Variants in EXOC6B observed in about 807,000 individuals in gnomAD.
EXOC6B encodes exocyst complex component 6B.
EXOC6B carries 54 observed loss-of-function variants against 113.5 expected under a neutral mutation model. The ratio of observed to expected loss-of-function variants is 0.48; its 90% CI spans 0.38 to 0.60. EXOC6B has a LOEUF of 0.60. Among genes scored for constraint, EXOC6B ranks in the 20% least tolerant of loss-of-function variants. The pLI, the probability that EXOC6B is intolerant of heterozygous loss-of-function variation, is 0.00. For synonymous variants in EXOC6B, 357 were observed against 339.0 expected, an observed-to-expected ratio of 1.05 and a Z score of -0.58; for missense variants, 797 against 977.5, an observed-to-expected ratio of 0.82 and a Z score of 2.46.
chr2:72,493,251 T>C (rs1344214030), intron 15 of EXOC6B, among the ~76,000 whole-genome samples: 3 of 151,910 alleles, frequency 2.0e-5, no homozygotes. Flanking sequence ...GACTACTTAG[T>C]TTCCTGCTGA....
intron 21 of EXOC6B, among the ~76,000 whole-genome samples, chr2:72,183,255 G>A (rs973871913): frequency 6.6e-6 from 1 of 152,130 alleles, no homozygotes; most frequent in Non-Finnish European, 1.5e-5. Context: ...AAGTAGCTGG[G>A]GCTTAACTAG....
chr2:72,176,778 C>A lies in EXOC6B; in HGVS notation c.*2557G>T, dbSNP rs1396274472. The A allele has an allele frequency of 6.6e-6, 1 of 152,186 alleles. No individual in the cohort carries two copies. Among genetic ancestry groups the A allele is most frequent in the Non-Finnish European group, 1.5e-5 (1 of 68,070 alleles). The allele number at this position is 152,186 out of a possible 1,614,324, so 9.4% of individuals were successfully genotyped here. A position where few individuals can be genotyped will look rare whatever the true frequency, so the allele number is the denominator to read the frequency against. ...CTCAAGAACTTGGCCAAGGGTTCATCCTGACCAGAAGCCATACAGGCTTCT... is the reference window on the plus strand; with the variant it reads ...CTCAAGAACTTGGCCAAGGGTTCATACTGACCAGAAGCCATACAGGCTTCT... On this transcript the variant is annotated 3_prime_UTR_variant, in exon 22 of 22. Coordinates refer to ENST00000272427, the MANE Select transcript of EXOC6B (RefSeq NM_015189.3).
intron 6 of EXOC6B, among the ~76,000 whole-genome samples, chr2:72,649,880 G>A (rs141644080): frequency 1.4e-3 from 214 of 152,086 alleles, no homozygotes; most frequent in African/African-American, 4.6e-3. Context: ...AAAAAAAAAT[G>A]AACCTCAATC....
chr2:72,484,417 T>A (rs1363970018), intron 16 of EXOC6B, among the ~76,000 whole-genome samples: 2 of 143,032 alleles, frequency 1.4e-5, no homozygotes, highest in Non-Finnish European at 3.1e-5. Flanking sequence ...AAAAAAAAAA[T>A]TCAGCTGGGC....
chr2:72,757,293 T>C (rs1573747130), intron 1 of EXOC6B, among the ~76,000 whole-genome samples: 1 of 152,210 alleles, frequency 6.6e-6, no homozygotes, highest in East Asian at 1.9e-4. Flanking sequence ...GAGTCACTTA[T>C]GTCAAAACTT....
Position 72,483,495 on chromosome 2 carries a change from G to A in EXOC6B, c.1666-2745C>T, listed in dbSNP as rs185403377. ...AAAAAAAGGGAGGTGGCTTCACTGG[G>A]TACAGTAGTAATTTCCCATGACTTT... On this transcript the variant is annotated intron_variant, in intron 16 of 21. Coordinates refer to ENST00000272427, the MANE Select transcript of EXOC6B (RefSeq NM_015189.3). 1.1e-4 allele frequency among the ~76,000 whole-genome samples: 17 copies of A among 152,258 alleles called. No homozygotes were observed. The East Asian group carries it at 2.9e-3, about 26-fold the overall frequency.
At chr2:72,416,687 T>A (rs1694548174) in intron 18 of EXOC6B, among the ~76,000 whole-genome samples, 1 of 152,160 alleles carries the variant, frequency 6.6e-6, no homozygotes, top group Non-Finnish European at 1.5e-5. Flanking sequence ...CATAGGAGGT[T>A]ATTCCTGTTC....
At chr2:72,206,594 A>G (rs895569428) in intron 20 of EXOC6B, among the ~76,000 whole-genome samples, 7 of 152,200 alleles carry the variant, frequency 4.6e-5, no homozygotes, top group Non-Finnish European at 1.0e-4. Flanking sequence ...TATACAGAGA[A>G]ACCCAAGTGT....
chr2:72,704,936 C>T (rs1365945855), intron 6 of EXOC6B, among the ~76,000 whole-genome samples: 3 of 151,480 alleles, frequency 2.0e-5, no homozygotes, highest in African/African-American at 7.3e-5. Flanking sequence ...TGAAACTATT[C>T]CAATCAATAG....
rs137966237 is a variant in EXOC6B at position 72,578,485 on chromosome 2, C to G, written c.670-2817G>C. On this transcript the variant is annotated intron_variant, in intron 6 of 21. Coordinates refer to ENST00000272427, the MANE Select transcript of EXOC6B (RefSeq NM_015189.3). ...GCCATTTCTTTACCTGATTACCTTT[C>G]CTTGCCTCAATCTAACCCTTCCTAC... is the stretch of plus-strand genomic sequence containing the variant. Among the ~76,000 whole-genome samples, 216 of 152,180 alleles carry G rather than the reference C, an allele frequency of 1.4e-3. 1 individual carries two copies. The highest frequency in any genetic ancestry group is 5.1e-3 in the African/African-American group (212 of 41,526).
intron 20 of EXOC6B, among the ~76,000 whole-genome samples, chr2:72,270,770 AAAT>A (rs1424243235): frequency 1.4e-4 from 22 of 151,996 alleles, no homozygotes; most frequent in African/African-American, 4.1e-4. Flanking sequence ...TTTAATAATT[AAAT>A]AATAATTTAT....
At chr2:72,272,011 C>T (rs1262751962) in intron 20 of EXOC6B, among the ~76,000 whole-genome samples, 3 of 152,066 alleles carry the variant, frequency 2.0e-5, no homozygotes, top group Admixed American at 6.6e-5. Flanking sequence ...ATGGTCTGTA[C>T]CTCAATAGCA....
intron 18 of EXOC6B, among the ~76,000 whole-genome samples, chr2:72,444,483 T>C (rs1696441355): frequency 6.6e-6 from 1 of 152,184 alleles, no homozygotes; most frequent in South Asian, 2.1e-4. Flanking sequence ...GTGTGGGGAC[T>C]CCCAACCCAC....
chr2:72,432,731 A>C (rs1695615030), intron 18 of EXOC6B, among the ~76,000 whole-genome samples: 1 of 152,164 alleles, frequency 6.6e-6, no homozygotes, highest in Non-Finnish European at 1.5e-5. Context: ...TCTTTTGAGA[A>C]GTGTCTGTTC....
chr2:72,799,253 AAAAAAAAAC>A (rs1454385197), intron 1 of EXOC6B, among the ~76,000 whole-genome samples: 1 of 150,440 alleles, frequency 6.6e-6, no homozygotes, highest in African/African-American at 2.4e-5. Context: ...AAAAAAAAAA[AAAAAAAAAC>A]AAACATAAAA....
At chr2:72,576,019 T>C (rs1418207133) in intron 6 of EXOC6B, among the ~76,000 whole-genome samples, 1 of 152,080 alleles carries the variant, frequency 6.6e-6, no homozygotes, top group African/African-American at 2.4e-5. Context: ...AGTTTTGCCT[T>C]AGTAGGCCAG....
chr2:72,594,633 C>T (rs910438964), intron 6 of EXOC6B, among the ~76,000 whole-genome samples: 2 of 152,118 alleles, frequency 1.3e-5, no homozygotes, highest in Non-Finnish European at 2.9e-5. Context: ...TTACTGCCAA[C>T]TTATTCATTA....
chr2:72,320,056 C>T (rs1317343901), intron 20 of EXOC6B, among the ~76,000 whole-genome samples: 1 of 151,786 alleles, frequency 6.6e-6, no homozygotes, highest in Non-Finnish European at 1.5e-5. Context: ...AGGATGGTCT[C>T]GATCTCCTGA....
chr2:72,687,151 A>C (rs567154753), intron 6 of EXOC6B, among the ~76,000 whole-genome samples: 89 of 152,052 alleles, frequency 5.9e-4, no homozygotes, highest in African/African-American at 2.0e-3. Flanking sequence ...AAAAAAAAAA[A>C]ACCTTTGTTT....
Sources: allele counts gnomAD v4.1 joint callset (sites outside exome capture counted in the v4.1 genomes callset), GRCh38; gene constraint gnomAD v4.1.1; transcripts MANE v1.5; gene names NCBI Gene and HGNC (gene_info 2026-07-23, HGNC 2026-07-21).